The following HES2 variants were observed in gnomAD, a reference collection of about 807,000 sequenced individuals.
HES2 encodes the protein transcription factor HES-2.
In HES2, 11 loss-of-function variants were observed where a neutral mutation model predicts 11.9. The observed-to-expected ratio is 0.92, with a 90% CI of 0.58 to 1.53. HES2 has a LOEUF of 1.53. Among genes scored for constraint, HES2 ranks in the 40% most tolerant of loss-of-function variants. The pLI, the probability that HES2 is intolerant of heterozygous loss-of-function variation, is 0.00. For missense variants in HES2, 260 were observed against 253.8 expected, an observed-to-expected ratio of 1.02 and a Z score of -0.16; for synonymous variants, 125 against 122.8, an observed-to-expected ratio of 1.02 and a Z score of -0.12.
Position 6,418,932 on chromosome 1 carries a change from C to T in HES2, c.463G>A (p.Ala155Thr), listed in dbSNP as rs1437868725. The change falls in exon 4 of 4, where the codon GCT becomes ACT. Residue 155 changes from alanine (A) to threonine (T), a missense_variant. Coordinates refer to ENST00000377834, the MANE Select transcript of HES2 (RefSeq NM_019089.5). ...GGCGAGGGCGGCGAGGGCACCGGAG[C>T]GGATGCGGGCTCTGGGGCAGACGCG... ...APASAPEPAS[A>T]PVPSPPSPPC... is the part of the protein sequence containing the mutation. The T allele has an allele frequency of 3.8e-6, 5 of 1,323,144 alleles. No individual in the cohort carries two copies. The highest frequency in any genetic ancestry group is 4.8e-6 in the Non-Finnish European group (5 of 1,044,940). 82.0% of individuals were successfully genotyped at this position (1,323,144 alleles called of 1,614,324 possible).
chr1:6,419,378 C>G lies in HES2; in HGVS notation c.142-38G>C. 1 of 1,551,308 alleles carries G rather than the reference C, an allele frequency of 6.4e-7. No individual in the cohort carries two copies. Among genetic ancestry groups the G allele is most frequent in the Non-Finnish European group, 8.8e-7 (1 of 1,135,684 alleles). On this transcript the variant is annotated intron_variant, in intron 2 of 3. Coordinates refer to ENST00000377834, the MANE Select transcript of HES2 (RefSeq NM_019089.5). The surrounding 1 kb of genome is among the most constrained non-coding windows in gnomAD (Gnocchi z 8.1). Reference sequence around the variant, plus strand: ...ACGAGGAAGAGCGACAGAGAACCACCAAGACAGAACTTTGGCCGGCTACCG... The same window carrying G: ...ACGAGGAAGAGCGACAGAGAACCACGAAGACAGAACTTTGGCCGGCTACCG...
In HES2 at chr1:6,416,222, G is replaced by A. The variant is rs1209200714; in HGVS notation, c.*2651C>T. 6.6e-6 allele frequency: 1 copy of A among 152,264 alleles called. No individual in the cohort carries two copies. The highest frequency in any genetic ancestry group is 1.9e-4 in the East Asian group (1 of 5,200). 9.4% of individuals were successfully genotyped at this position (152,264 alleles called of 1,614,324 possible). The stretch of plus-strand genomic sequence containing the variant: ...GGGCAGGATGTGGGACTTGTGAAAG[G>A]TCATAAATGACCCTTTGAATCAGTC... On this transcript the variant is annotated 3_prime_UTR_variant, in exon 4 of 4. Coordinates refer to ENST00000377834, the MANE Select transcript of HES2 (RefSeq NM_019089.5).
At position 6,419,251 on chromosome 1, in the gene HES2, C is replaced by T. The variant is rs1040913934; in HGVS notation, c.231G>A (p.Thr77=). ...GGAGGGCTCACTCACGGGGCGCTGC[C>T]GTGGGCCATGAGGACGCAGGCAGCT... ...LQELPASSWP[T]AAPLPCDSYR... Residue 77 remains threonine (T), a synonymous_variant, in exon 3 of 4, where the codon ACG becomes ACA. Transcript: ENST00000377834. The surrounding 1 kb of genome is among the most constrained non-coding windows in gnomAD (Gnocchi z 8.1). 1.9e-6 allele frequency: 3 copies of T among 1,609,522 alleles called. No individual in the cohort carries two copies. Among genetic ancestry groups the T allele is most frequent in the African/African-American group, 1.3e-5 (1 of 74,696 alleles).
chr1:6,415,353 T>C lies in HES2; in HGVS notation c.*3520A>G, dbSNP rs1397860126. The C allele has an allele frequency of 6.6e-6, 1 of 152,042 alleles. No individual in the cohort carries two copies. The highest frequency in any genetic ancestry group is 1.5e-5 in the Non-Finnish European group (1 of 68,018). The allele number at this position is 152,042 out of a possible 1,614,324, so 9.4% of individuals were successfully genotyped here. On this transcript the variant is annotated 3_prime_UTR_variant, in exon 4 of 4. Coordinates refer to ENST00000377834, the MANE Select transcript of HES2 (RefSeq NM_019089.5). The stretch of plus-strand genomic sequence containing the variant: ...TATTGGCAACATTTTCCCACGAGCA[T>C]GTGCCCACTTTGTATCTGTGTGTCA...
At position 6,419,753 on chromosome 1, in the gene HES2, C is replaced by T. The variant is rs1357608777; in HGVS notation, c.45+23G>A. Reference sequence around the variant, plus strand: ...GACGGGTCCCCGGAGTCCCCAGCCCCGCCCCCAGTCCCCGGTACCCACCTT... The same window carrying T: ...GACGGGTCCCCGGAGTCCCCAGCCCTGCCCCCAGTCCCCGGTACCCACCTT... On this transcript the variant is annotated intron_variant, in intron 1 of 3. Coordinates refer to ENST00000377834, the MANE Select transcript of HES2 (RefSeq NM_019089.5). This position sits in a 1 kb window ranked among gnomAD's most constrained non-coding sequence, Gnocchi z 8.1. 13 of 1,555,760 alleles carry T rather than the reference C, an allele frequency of 8.4e-6. No homozygotes were observed. The highest frequency in any genetic ancestry group is 1.9e-5 in the Admixed American group (1 of 53,296).
Position 6,415,842 on chromosome 1 carries a change from G to C in HES2, c.*3031C>G, listed in dbSNP as rs574006655. The C allele has an allele frequency of 2.6e-5, 4 of 152,392 alleles. No individual in the cohort carries two copies. In the East Asian group the frequency reaches 7.7e-4, roughly 29 times the overall value. 9.4% of individuals were successfully genotyped at this position (152,392 alleles called of 1,614,324 possible). ...CACCCAGGCTGGAGTGCAGTGGCGC[G>C]ATCTCGGCTCACTGCAACCTCCACC... On this transcript the variant is annotated 3_prime_UTR_variant, in exon 4 of 4. Coordinates refer to ENST00000377834, the MANE Select transcript of HES2 (RefSeq NM_019089.5).
At position 6,419,094 on chromosome 1, in the gene HES2, G is replaced by T. The variant is rs1384256200; in HGVS notation, c.301C>A (p.Leu101Met). The change falls in exon 4 of 4, where the codon CTG (leucine) becomes ATG (methionine). Residue 101 changes from leucine (L) to methionine (M), a missense_variant. By Grantham distance (15) the Leu-to-Met change is conservative. Coordinates refer to ENST00000377834, the MANE Select transcript of HES2 (RefSeq NM_019089.5). The surrounding 1 kb of genome is among the most constrained non-coding windows in gnomAD (Gnocchi z 8.1). ...GGCTCCAGGACACGGCAGGCGGGCA[G>T]CACGCGGGCCAGGCGCGCCACACAG... is the stretch of plus-strand genomic sequence containing the variant. ...SACVARLARV[L>M]PACRVLEPAV... The T allele has an allele frequency of 6.7e-7, 1 of 1,502,750 alleles. No homozygotes were observed. Among genetic ancestry groups the T allele is most frequent in the Admixed American group, 2.1e-5 (1 of 47,368 alleles). The allele number at this position is 1,502,750 out of a possible 1,614,324, so 93.1% of individuals were successfully genotyped here.
Position 6,418,791 on chromosome 1 carries a change from A to G in HES2, c.*82T>C. On this transcript the variant is annotated 3_prime_UTR_variant, in exon 4 of 4. Coordinates refer to ENST00000377834, the MANE Select transcript of HES2 (RefSeq NM_019089.5). The stretch of plus-strand genomic sequence containing the variant: ...TGGGCTGGCCCCTAATGATGGGAAC[A>G]GCAGCCGCCACCAAGAGCTTCAACC... 1 of 1,246,148 alleles carries G rather than the reference A, an allele frequency of 8.0e-7. No homozygotes were observed. Among genetic ancestry groups the G allele is most frequent in the Middle Eastern group, 3.0e-4 (1 of 3,320 alleles). 77.2% of individuals were successfully genotyped at this position (1,246,148 alleles called of 1,614,324 possible).
In HES2 at chr1:6,416,795, T is replaced by C. The variant is rs1342215867; in HGVS notation, c.*2078A>G. The C allele has an allele frequency of 1.3e-5, 2 of 152,260 alleles. No homozygotes were observed. Among genetic ancestry groups the C allele is most frequent in the Non-Finnish European group, 2.9e-5 (2 of 68,074 alleles). The allele number at this position is 152,260 out of a possible 1,614,324, so 9.4% of individuals were successfully genotyped here. ...CCTGTGCCTGCCTGATGTGGAGTCC[T>C]AGGCGGGCTTGGGCCGCAGGTTACC... On this transcript the variant is annotated 3_prime_UTR_variant, in exon 4 of 4. Transcript: ENST00000377834.
rs1642835827 is a variant in HES2, at chr1:6,415,476, G to A, written c.*3397C>T. On this transcript the variant is annotated 3_prime_UTR_variant, in exon 4 of 4. Transcript: ENST00000377834. ...GTTCCCTGCAGGCTGTTTATGCAGC[G>A]CCCATCCGAGATGAACCCACAGGAC... The A allele has an allele frequency of 1.3e-5, 2 of 151,220 alleles. No individual in the cohort carries two copies. The highest frequency in any genetic ancestry group is 4.9e-5 in the African/African-American group (2 of 41,106). 9.4% of individuals were successfully genotyped at this position (151,220 alleles called of 1,614,324 possible).
chr1:6,415,611 C>A lies in HES2; in HGVS notation c.*3262G>T, dbSNP rs1258342913. On this transcript the variant is annotated 3_prime_UTR_variant, in exon 4 of 4. Transcript: ENST00000377834. ...GCAGCCCAGTCTTTATCCTCACTCA[C>A]GTGGAAATGAGATTCGACCTCTCCT... is the stretch of plus-strand genomic sequence containing the variant. 1.3e-5 allele frequency: 2 copies of A among 152,056 alleles called. No homozygotes were observed. The highest frequency in any genetic ancestry group is 1.9e-4 in the East Asian group (1 of 5,176). The allele number at this position is 152,056 out of a possible 1,614,324, so 9.4% of individuals were successfully genotyped here. A position where few individuals can be genotyped will look rare whatever the true frequency, so the allele number is the denominator to read the frequency against.
Position 6,418,959 on chromosome 1 carries a change from G to A in HES2, c.436C>T (p.Pro146Ser). ...SSGPSAPAPA[P>S]ASAPEPASAP... ...GATGCGGGCTCTGGGGCAGACGCGG[G>A]CGCTGGGGCGGGGGCAGACGGGCCA... The change falls in exon 4 of 4, where the codon CCC (proline) becomes TCC (serine). Residue 146 changes from proline to serine, a missense_variant. Transcript: ENST00000377834. The A allele has an allele frequency of 7.5e-7, 1 of 1,340,814 alleles. No homozygotes were observed. The highest frequency in any genetic ancestry group is 9.5e-7 in the Non-Finnish European group (1 of 1,055,186). The allele number at this position is 1,340,814 out of a possible 1,614,324, so 83.1% of individuals were successfully genotyped here.
In HES2 at chr1:6,419,759, C is replaced by T. The variant is rs149736763; in HGVS notation, c.45+17G>A. ...TCCCCGGAGTCCCCAGCCCCGCCCC[C>T]AGTCCCCGGTACCCACCTTGCGCAG... is the stretch of plus-strand genomic sequence containing the variant. On this transcript the variant is annotated intron_variant, in intron 1 of 3. Coordinates refer to ENST00000377834, the MANE Select transcript of HES2 (RefSeq NM_019089.5). This position sits in a 1 kb window ranked among gnomAD's most constrained non-coding sequence, Gnocchi z 8.1. 1.5e-3 allele frequency: 2,359 copies of T among 1,559,904 alleles called. 34 individuals are homozygous for T. The African/African-American group carries it at 0.029, about 19-fold the overall frequency.
chr1:6,418,658 G>A lies in HES2; in HGVS notation c.*215C>T. 2 of 411,508 alleles carry A rather than the reference G, an allele frequency of 4.9e-6. No individual in the cohort carries two copies. The highest frequency in any genetic ancestry group is 8.3e-6 in the Non-Finnish European group (2 of 239,542). The allele number at this position is 411,508 out of a possible 1,614,324, so 25.5% of individuals were successfully genotyped here. A position where few individuals can be genotyped will look rare whatever the true frequency, so the allele number is the denominator to read the frequency against. On this transcript the variant is annotated 3_prime_UTR_variant, in exon 4 of 4. Coordinates refer to ENST00000377834, the MANE Select transcript of HES2 (RefSeq NM_019089.5). Reference sequence around the variant, plus strand: ...TCCTTTCTTCTCCAGCCAAGTTGGGGGTGAAGCAGGGACGCTCCTTTTATT... The same window carrying A: ...TCCTTTCTTCTCCAGCCAAGTTGGGAGTGAAGCAGGGACGCTCCTTTTATT...
At position 6,419,169 on chromosome 1, in the gene HES2, C is replaced by A; in HGVS notation, c.242-16G>T. Reference sequence around the variant, plus strand: ...TCGCAAGGCACTGCGGGCGGAGAGCCGCGTGAGGCGCGGGGTAGGGTGCCG... The same window carrying A: ...TCGCAAGGCACTGCGGGCGGAGAGCAGCGTGAGGCGCGGGGTAGGGTGCCG... On this transcript the variant is annotated splice_polypyrimidine_tract_variant and intron_variant, in intron 3 of 3. Coordinates refer to ENST00000377834, the MANE Select transcript of HES2 (RefSeq NM_019089.5). This position sits in a 1 kb window ranked among gnomAD's most constrained non-coding sequence, Gnocchi z 8.1. 6.4e-7 allele frequency: 1 copy of A among 1,559,496 alleles called. No individual in the cohort carries two copies. The highest frequency in any genetic ancestry group is 8.6e-7 in the Non-Finnish European group (1 of 1,160,258).
rs949472926 is a variant in HES2, at chr1:6,415,506, A to C, written c.*3367T>G. On this transcript the variant is annotated 3_prime_UTR_variant, in exon 4 of 4. Transcript: ENST00000377834. ...TCCGAGATGAACCCACAGGACACTC[A>C]GGATCCCAGACTGCAGGAGTCGTCT... 6.6e-6 allele frequency: 1 copy of C among 151,730 alleles called. No homozygotes were observed. Among genetic ancestry groups the C allele is most frequent in the Non-Finnish European group, 1.5e-5 (1 of 67,948 alleles). The allele number at this position is 151,730 out of a possible 1,614,324, so 9.4% of individuals were successfully genotyped here.
Position 6,419,161 on chromosome 1 carries a change from C to A in HES2, c.242-8G>T, listed in dbSNP as rs768080788. 1.3e-6 allele frequency: 2 copies of A among 1,549,210 alleles called. No individual in the cohort carries two copies. Among genetic ancestry groups the A allele is most frequent in the Non-Finnish European group, 8.7e-7 (1 of 1,155,226 alleles). On this transcript the variant is annotated splice_polypyrimidine_tract_variant and splice_region_variant and intron_variant, in intron 3 of 3. Transcript: ENST00000377834. The surrounding 1 kb of genome is among the most constrained non-coding windows in gnomAD (Gnocchi z 8.1). ...GGTAGCTGTCGCAAGGCACTGCGGG[C>A]GGAGAGCCGCGTGAGGCGCGGGGTA...
rs1642890327 is a variant in HES2, at chr1:6,419,709, A to G, written c.46-7T>C. 6.4e-7 allele frequency: 1 copy of G among 1,552,982 alleles called. No individual in the cohort carries two copies. Among genetic ancestry groups the G allele is most frequent in the South Asian group, 1.2e-5 (1 of 84,470 alleles). On this transcript the variant is annotated splice_polypyrimidine_tract_variant and splice_region_variant and intron_variant, in intron 1 of 3. Transcript: ENST00000377834. The surrounding 1 kb of genome is among the most constrained non-coding windows in gnomAD (Gnocchi z 8.1). Reference sequence around the variant, plus strand: ...CCAGCAGCGGCTTCAGGCTCTGCGGACGGGCGGCGCGGTGGTTAGACGGGT... The same window carrying G: ...CCAGCAGCGGCTTCAGGCTCTGCGGGCGGGCGGCGCGGTGGTTAGACGGGT...
At position 6,418,904 on chromosome 1, in the gene HES2, G is replaced by A; in HGVS notation, c.491C>T (p.Pro164Leu). Residue 164 changes from proline to leucine, a missense_variant, in exon 4 of 4, where the codon CCC becomes CTC. By Grantham distance (98) the Pro-to-Leu change is moderately conservative (BLOSUM62 -3). Transcript: ENST00000377834. ...SAPVPSPPSP[P>L]CGPGLWRPW ...CGGCCGCCAGAGGCCAGGGCCGCAG[G>A]GAGGCGAGGGCGGCGAGGGCACCGG... 1 of 1,316,140 alleles carries A rather than the reference G, an allele frequency of 7.6e-7. No homozygotes were observed. Among genetic ancestry groups the A allele is most frequent in the African/African-American group, 1.5e-5 (1 of 64,966 alleles). The allele number at this position is 1,316,140 out of a possible 1,614,324, so 81.5% of individuals were successfully genotyped here. A position where few individuals can be genotyped will look rare whatever the true frequency, so the allele number is the denominator to read the frequency against.
Sources: allele counts gnomAD v4.1 joint callset, GRCh38; gene constraint gnomAD v4.1.1; non-coding constraint Gnocchi (gnomAD v3.1); transcripts MANE v1.5; gene names NCBI Gene and HGNC (gene_info 2026-07-23, HGNC 2026-07-21).